Variants in PTPRT observed in about 807,000 individuals in gnomAD.
The protein encoded by PTPRT is receptor-type tyrosine-protein phosphatase T.
In PTPRT, 56 loss-of-function variants were observed where a neutral mutation model predicts 176.8. The observed-to-expected ratio is 0.32, with a 90% CI of 0.26 to 0.40. The LOEUF is 0.40. Among genes scored for constraint, PTPRT ranks in the 10% least tolerant of loss-of-function variants. The probability of loss-of-function intolerance (pLI) is 1.00; values close to 1 mark genes in which losing one functional copy is unlikely to be tolerated. For synonymous variants in PTPRT, 783 were observed against 739.0 expected (o/e 1.06, Z -0.96); for missense variants, 1,540 against 1,908.2 (o/e 0.81, Z 3.60).
chr20:42,781,943 T>TGCCTC, intron 3 of PTPRT, among the ~76,000 whole-genome samples: 1 of 152,338 alleles, frequency 6.6e-6, no homozygotes, highest in African/African-American at 2.4e-5. Context: ...TACTGCTCTG[T>TGCCTC]GCCTCATTTT....
At chr20:42,395,062 C>T (rs1345447916) in intron 9 of PTPRT, among the ~76,000 whole-genome samples, 4 of 152,156 alleles carry the variant, frequency 2.6e-5, no homozygotes, top group Non-Finnish European at 1.5e-5. Context: ...TAACTGGTCT[C>T]GTTGTAACTC....
chr20:42,390,104 A>G (rs796371100), intron 9 of PTPRT, among the ~76,000 whole-genome samples: 5 of 152,340 alleles, frequency 3.3e-5, no homozygotes, highest in African/African-American at 1.2e-4. Flanking sequence ...GGTGAGGAAC[A>G]GCATTCAATT....
chr20:42,769,147 AC>A (rs1165993017), intron 5 of PTPRT, among the ~76,000 whole-genome samples: 3 of 152,180 alleles, frequency 2.0e-5, no homozygotes, highest in Non-Finnish European at 4.4e-5. Context: ...TCTGTAAGCA[AC>A]CCTGGGAAGC....
intron 6 of PTPRT, among the ~76,000 whole-genome samples, chr20:42,755,370 C>T (rs2076816383): frequency 6.6e-6 from 1 of 152,164 alleles, no homozygotes; most frequent in African/African-American, 2.4e-5. Context: ...GCCTCAAAGG[C>T]TCGATCAGTG....
intron 1 of PTPRT, among the ~76,000 whole-genome samples, chr20:42,932,822 G>A (rs760003594): frequency 8.0e-4 from 122 of 152,312 alleles, no homozygotes; most frequent in African/African-American, 1.8e-3. Context: ...CTCAACAGGC[G>A]TCTACTGCCT....
At chr20:42,884,338 C>T (rs952918546) in intron 2 of PTPRT, among the ~76,000 whole-genome samples, 2 of 152,126 alleles carry the variant, frequency 1.3e-5, no homozygotes, top group African/African-American at 4.8e-5. Flanking sequence ...ACAATTAATG[C>T]CCTTAATAGG....
At chr20:42,319,893 A>G (rs2057775212) in intron 11 of PTPRT, among the ~76,000 whole-genome samples, 1 of 152,176 alleles carries the variant, frequency 6.6e-6, no homozygotes, top group South Asian at 2.1e-4. Flanking sequence ...GGTTGCAATA[A>G]TCTATTCAGA....
intron 1 of PTPRT, chr20:42,971,290 A>ACCC (rs1258431449): frequency 2.0e-5 from 3 of 152,182 alleles, no homozygotes; most frequent in African/African-American, 7.2e-5. Flanking sequence ...CAAGTTCCCC[A>ACCC]CCCCTTGGGA....
At chr20:42,639,849 C>G (rs976255503) in intron 7 of PTPRT, among the ~76,000 whole-genome samples, 2 of 152,040 alleles carry the variant, frequency 1.3e-5, no homozygotes, top group African/African-American at 2.4e-5. Context: ...CCATTCTTTC[C>G]AGGCACCTGT....
At chr20:42,660,689 C>T (rs891259651) in intron 7 of PTPRT, among the ~76,000 whole-genome samples, 10 of 152,164 alleles carry the variant, frequency 6.6e-5, no homozygotes, top group African/African-American at 2.4e-4. Flanking sequence ...CTCCAGGTGC[C>T]ATCCATGATT....
intron 7 of PTPRT, among the ~76,000 whole-genome samples, chr20:42,496,630 CT>C (rs2071658992): frequency 6.8e-6 from 1 of 147,900 alleles, no homozygotes; most frequent in Non-Finnish European, 1.5e-5. Context: ...AAATCCTTCA[CT>C]TTCACCACCT....
At chr20:42,495,661 G>C (rs2071640621) in intron 7 of PTPRT, among the ~76,000 whole-genome samples, 1 of 152,126 alleles carries the variant, frequency 6.6e-6, no homozygotes, top group Admixed American at 6.6e-5. Context: ...AATTCTAAAA[G>C]AATTTTAGAT....
intron 2 of PTPRT, among the ~76,000 whole-genome samples, chr20:42,816,120 C>T (rs750578790): frequency 6.6e-6 from 1 of 152,208 alleles, no homozygotes; most frequent in Non-Finnish European, 1.5e-5. Context: ...TCTCAGACGA[C>T]AGCCATGATT....
the PTPRT span, among the ~76,000 whole-genome samples, chr20:42,036,835 C>A: frequency 4.6e-5 from 7 of 152,168 alleles, no homozygotes; most frequent in Non-Finnish European, 8.8e-5. Context: ...TACCTCCAGG[C>A]ACATCCAGAA....
At chr20:42,744,797 T>C (rs983323591) in intron 6 of PTPRT, among the ~76,000 whole-genome samples, 8 of 152,228 alleles carry the variant, frequency 5.3e-5, no homozygotes, top group Non-Finnish European at 1.0e-4. Context: ...GGTGAGCAGA[T>C]GAGGAATGAC....
chr20:42,114,743 C>T (rs1025736547), intron 22 of PTPRT, among the ~76,000 whole-genome samples: 5 of 152,174 alleles, frequency 3.3e-5, no homozygotes, highest in Admixed American at 6.5e-5. Flanking sequence ...AAAATGCCCC[C>T]GGTTGAGACC....
chr20:42,696,542 T>G (rs6102992), intron 6 of PTPRT, among the ~76,000 whole-genome samples: 73,571 of 150,268 alleles, frequency 0.49, 20,531 homozygotes, highest in African/African-American at 0.78. Context: ...TGCAAGCTCT[T>G]CCCCCCGGGT....
chr20:42,641,914 C>T (rs930796627), intron 7 of PTPRT, among the ~76,000 whole-genome samples: 4 of 152,134 alleles, frequency 2.6e-5, no homozygotes, highest in South Asian at 2.1e-4. Context: ...GACTTCTAAG[C>T]GTCTTAGAGT....
At chr20:42,299,087 A>G (rs1441826559) in intron 12 of PTPRT, among the ~76,000 whole-genome samples, 2 of 152,318 alleles carry the variant, frequency 1.3e-5, no homozygotes, top group East Asian at 3.9e-4. Flanking sequence ...TTTCACAAAA[A>G]AAAACCGCCA....
Sources: gnomAD v4.1 joint callset for allele counts (sites outside exome capture counted in the v4.1 genomes callset) on GRCh38, gnomAD v4.1.1 for gene constraint, MANE v1.5 for transcripts, NCBI Gene and HGNC (gene_info 2026-07-23, HGNC 2026-07-21) for gene names.